The following PPM1E variants were observed in gnomAD, a reference collection of about 807,000 sequenced individuals.
PPM1E encodes protein phosphatase 1E.
Under a neutral mutation model 65.9 loss-of-function variants are expected in PPM1E, and 20 were observed. The observed-to-expected ratio is 0.30, with a 90% CI of 0.21 to 0.44. PPM1E has a LOEUF of 0.44. Among genes scored for constraint, PPM1E ranks in the 20% least tolerant of loss-of-function variants. PPM1E has a pLI of 1.00. For synonymous variants in PPM1E, 352 were observed against 374.9 expected, an observed-to-expected ratio of 0.94 and a Z score of 0.70; for missense variants, 713 against 953.1, an observed-to-expected ratio of 0.75 and a Z score of 3.32.
In PPM1E at chr17:58,799,445, T is replaced by C. The variant is rs185386652; in HGVS notation, c.464+42984T>C. 1.8e-3 allele frequency among the ~76,000 whole-genome samples: 270 copies of C among 150,370 alleles called. 1 individual carries two copies. The highest frequency in any genetic ancestry group is 6.4e-3 in the African/African-American group (259 of 40,728). On this transcript the variant is annotated intron_variant, in intron 1 of 6. Coordinates refer to ENST00000308249, the MANE Select transcript of PPM1E (RefSeq NM_014906.5). ...CACAGGCGTGTGCCACCACACTCAG[T>C]TACTTTTTTTTTTTTGAAATGGAGT... is the stretch of plus-strand genomic sequence containing the variant.
chr17:58,918,853 A>G (rs2051717200), intron 1 of PPM1E, among the ~76,000 whole-genome samples: 1 of 151,604 alleles, frequency 6.6e-6, no homozygotes, highest in Non-Finnish European at 1.5e-5. Context: ...CTGAATAGAA[A>G]CGTTTATTCA....
At chr17:58,814,575 T>C (rs965349393) in intron 1 of PPM1E, among the ~76,000 whole-genome samples, 3 of 152,220 alleles carry the variant, frequency 2.0e-5, no homozygotes, top group Admixed American at 2.0e-4. Context: ...ATACAGATAA[T>C]ACCTTTTCAG....
In PPM1E at chr17:58,790,224, A is replaced by G. The variant is rs191995593; in HGVS notation, c.464+33763A>G. 1.5e-4 allele frequency among the ~76,000 whole-genome samples: 23 copies of G among 152,134 alleles called. No individual in the cohort carries two copies. In the East Asian group the frequency reaches 4.4e-3, roughly 29 times the overall value. On this transcript the variant is annotated intron_variant, in intron 1 of 6. Transcript: ENST00000308249. ...CAGGTGTATGCCACCATGCCTAGCT[A>G]ATTAAAATTTTTTTTTTTTTGGATA...
At chr17:58,765,504 C>T (rs1392959970) in intron 1 of PPM1E, among the ~76,000 whole-genome samples, 1 of 151,914 alleles carries the variant, frequency 6.6e-6, no homozygotes, top group African/African-American at 2.4e-5. Flanking sequence ...ACAGTATCCT[C>T]ATGTGAATTA....
intron 1 of PPM1E, among the ~76,000 whole-genome samples, chr17:58,942,570 AGAC>A (rs1402340903): frequency 6.6e-6 from 1 of 152,156 alleles, no homozygotes; most frequent in African/African-American, 2.4e-5. Context: ...TCCTGCTCTC[AGAC>A]GACAACATTC....
At chr17:58,929,911 C>G (rs1012076936) in intron 1 of PPM1E, among the ~76,000 whole-genome samples, 6 of 152,090 alleles carry the variant, frequency 3.9e-5, no homozygotes, top group Admixed American at 3.9e-4. Flanking sequence ...TGTTTATTCT[C>G]AACTCATCAT....
At chr17:58,838,462 TA>T (rs1248667420) in intron 1 of PPM1E, among the ~76,000 whole-genome samples, 1 of 152,170 alleles carries the variant, frequency 6.6e-6, no homozygotes, top group Non-Finnish European at 1.5e-5. Flanking sequence ...AATTGCAGGT[TA>T]AAACAATGAG....
rs891744032 is a variant in PPM1E at position 58,971,806 on chromosome 17, T to C, written c.973-326T>C. ...GTGCTTGACTGGGAGGAAAAAGAATTTCAATTCTGTCTTATATACTAATAG... is the reference window on the plus strand; with the variant it reads ...GTGCTTGACTGGGAGGAAAAAGAATCTCAATTCTGTCTTATATACTAATAG... On this transcript the variant is annotated intron_variant, in intron 4 of 6. Transcript: ENST00000308249. Among the ~76,000 whole-genome samples the C allele has an allele frequency of 6.6e-5, 10 of 152,236 alleles. No individual in the cohort carries two copies. In the East Asian group the frequency reaches 1.9e-3, roughly 29 times the overall value.
rs1162690073 is a variant in PPM1E at position 58,943,004 on chromosome 17, CAG to C, written c.465-12642_465-12641del. ...TGCCACTGCACTCCAGCCTGGAAAA[CAG>C]AGTAACACTCTGTCTCTAAAAACAA... On this transcript the variant is annotated intron_variant, in intron 1 of 6. Coordinates refer to ENST00000308249, the MANE Select transcript of PPM1E (RefSeq NM_014906.5). 5.3e-5 allele frequency among the ~76,000 whole-genome samples: 8 copies of C among 151,720 alleles called. No individual in the cohort carries two copies. In the East Asian group the frequency reaches 1.6e-3, roughly 29 times the overall value.
intron 1 of PPM1E, among the ~76,000 whole-genome samples, chr17:58,782,834 T>G (rs1673703239): frequency 6.6e-6 from 1 of 152,164 alleles, no homozygotes; most frequent in Admixed American, 6.6e-5. Context: ...AAGATAATTT[T>G]AAAGATTTTA....
Position 58,849,267 on chromosome 17 carries a change from C to T in PPM1E, c.464+92806C>T, listed in dbSNP as rs1039015188. On this transcript the variant is annotated intron_variant, in intron 1 of 6. Transcript: ENST00000308249. ...TTTGAAGGGTGTTTTGTGTCTCTAT[C>T]TCCTTCAATTCTGCTCTGATCTTAG... Among the ~76,000 whole-genome samples, 194 of 152,226 alleles carry T rather than the reference C, an allele frequency of 1.3e-3. 1 individual carries two copies. Among genetic ancestry groups the T allele is most frequent in the African/African-American group, 4.1e-3 (172 of 41,546 alleles).
chr17:58,949,943 C>T (rs1355074743), intron 1 of PPM1E, among the ~76,000 whole-genome samples: 1 of 152,146 alleles, frequency 6.6e-6, no homozygotes, highest in Non-Finnish European at 1.5e-5. Flanking sequence ...CCTTTCTCTC[C>T]TGGCCTGTGA....
intron 1 of PPM1E, among the ~76,000 whole-genome samples, chr17:58,931,254 T>C (rs2051894106): frequency 1.3e-5 from 2 of 151,802 alleles, no homozygotes; most frequent in Admixed American, 6.6e-5. Flanking sequence ...GGCATGGTGG[T>C]GCATGCCTGT....
intron 1 of PPM1E, among the ~76,000 whole-genome samples, chr17:58,777,165 G>T (rs573967793): frequency 7.2e-5 from 11 of 152,264 alleles, no homozygotes; most frequent in African/African-American, 2.4e-4. Flanking sequence ...CTTGGAGGCT[G>T]CAGTGAACCA....
At chr17:58,840,636 GA>G (rs900880857) in intron 1 of PPM1E, among the ~76,000 whole-genome samples, 4 of 142,960 alleles carry the variant, frequency 2.8e-5, no homozygotes, top group Admixed American at 6.9e-5. Context: ...AAGTGCTAAA[GA>G]AAAAAAAAAG....
At chr17:58,779,380 C>T (rs2050030305) in intron 1 of PPM1E, among the ~76,000 whole-genome samples, 1 of 151,950 alleles carries the variant, frequency 6.6e-6, no homozygotes, top group African/African-American at 2.4e-5. Context: ...ACCATGTTTG[C>T]CAGTCTGGTC....
chr17:58,926,289 A>G (rs902689566), intron 1 of PPM1E, among the ~76,000 whole-genome samples: 5 of 151,488 alleles, frequency 3.3e-5, no homozygotes, highest in Non-Finnish European at 7.4e-5. Context: ...CCGAGGTTGC[A>G]CCATTGCACT....
rs188374060 is a variant in PPM1E at position 58,777,175 on chromosome 17, A to C, written c.464+20714A>C. ...CTGAACTTGGAGGCTGCAGTGAACC[A>C]TTCAACCACCATTGAACCCCAGCTT... On this transcript the variant is annotated intron_variant, in intron 1 of 6. Coordinates refer to ENST00000308249, the MANE Select transcript of PPM1E (RefSeq NM_014906.5). Among the ~76,000 whole-genome samples, 5 of 152,300 alleles carry C rather than the reference A, an allele frequency of 3.3e-5. No individual in the cohort carries two copies. The East Asian group carries it at 7.7e-4, about 23-fold the overall frequency.
chr17:58,967,517 TATAGAG>T (rs1033726306), intron 3 of PPM1E, among the ~76,000 whole-genome samples: 17 of 149,470 alleles, frequency 1.1e-4, no homozygotes, highest in African/African-American at 4.2e-4. Flanking sequence ...TATATATATA[TATAGAG>T]AGAGAGAGAG....
Sources: allele counts gnomAD v4.1 joint callset (sites outside exome capture counted in the v4.1 genomes callset), GRCh38; gene constraint gnomAD v4.1.1; transcripts MANE v1.5; gene names NCBI Gene and HGNC (gene_info 2026-07-23, HGNC 2026-07-21).